Variants in HHAT observed in about 807,000 individuals in gnomAD.
The protein encoded by HHAT is protein-cysteine N-palmitoyltransferase HHAT.
HHAT carries 47 observed loss-of-function variants against 70.8 expected under a neutral mutation model. That is an observed-to-expected ratio of 0.66 (90% CI 0.53 to 0.85). The LOEUF (loss-of-function observed/expected upper bound fraction) is 0.85. HHAT is among the 40% of genes least tolerant of loss of function. The pLI is 0.00. For synonymous variants in HHAT, 228 were observed against 247.6 expected, an observed-to-expected ratio of 0.92 and a Z score of 0.74; for missense variants, 609 against 604.8, an observed-to-expected ratio of 1.01 and a Z score of -0.07.
chr1:210,466,146 C>A (rs552247025), intron 8 of HHAT, among the ~76,000 whole-genome samples: 1 of 149,784 alleles, frequency 6.7e-6, no homozygotes, highest in Non-Finnish European at 1.5e-5. Context: ...TGCAAGGAAT[C>A]GCAAGGAATT....
intron 8 of HHAT, among the ~76,000 whole-genome samples, chr1:210,512,402 C>T (rs545043631): frequency 4.6e-5 from 7 of 151,678 alleles, no homozygotes; most frequent in Non-Finnish European, 7.4e-5. Flanking sequence ...GGGCTGAGTG[C>T]GGTGGCTCAC....
At chr1:210,573,759 G>A (rs554609224) in intron 9 of HHAT, among the ~76,000 whole-genome samples, 151 of 152,240 alleles carry the variant, frequency 9.9e-4, no homozygotes, top group African/African-American at 3.4e-3. Flanking sequence ...GTCTGACTTT[G>A]TAAATATTCC....
chr1:210,473,263 A>G (rs1485727439), intron 8 of HHAT, among the ~76,000 whole-genome samples: 7 of 152,196 alleles, frequency 4.6e-5, no homozygotes, highest in African/African-American at 1.7e-4. Flanking sequence ...TTATTGCCAC[A>G]AAGCGTCTGT....
rs529438737 is a variant in HHAT, at chr1:210,491,946, A to G, written c.1008-21207A>G. On this transcript the variant is annotated intron_variant, in intron 8 of 11. Transcript: ENST00000261458. ...CTTGGCTAATTTTTGTATTTTTAGT[A>G]GAGACAGGATTTTACCATGTTGGCC... is the stretch of plus-strand genomic sequence containing the variant. Among the ~76,000 whole-genome samples the G allele has an allele frequency of 4.6e-5, 7 of 152,246 alleles. No homozygotes were observed. The East Asian group carries it at 1.4e-3, about 29-fold the overall frequency.
intron 7 of HHAT, among the ~76,000 whole-genome samples, chr1:210,423,269 T>A (rs2092959192): frequency 6.6e-6 from 1 of 152,174 alleles, no homozygotes. Context: ...TCATCCTAAC[T>A]CTGGGGTGAG....
rs144259111 is a variant in HHAT at position 210,450,007 on chromosome 1, A to G, written c.857-14498A>G. Among the ~76,000 whole-genome samples, 7 of 152,190 alleles carry G rather than the reference A, an allele frequency of 4.6e-5. No individual in the cohort carries two copies. The East Asian group carries it at 1.4e-3, about 29-fold the overall frequency. ...TACGTATTTGGGATTCAACAGTGAGAATATGGGCTTGGCGTGGTGGCTCAC... is the reference window on the plus strand; with the variant it reads ...TACGTATTTGGGATTCAACAGTGAGGATATGGGCTTGGCGTGGTGGCTCAC... On this transcript the variant is annotated intron_variant, in intron 7 of 11. Transcript: ENST00000261458.
At chr1:210,530,980 G>A (rs1472569236) in intron 9 of HHAT, among the ~76,000 whole-genome samples, 1 of 152,174 alleles carries the variant, frequency 6.6e-6, no homozygotes, top group East Asian at 1.9e-4. Context: ...TACATTCTGA[G>A]AAATGCATTG....
intron 3 of HHAT, among the ~76,000 whole-genome samples, chr1:210,364,463 A>C (rs966580021): frequency 6.6e-6 from 1 of 152,234 alleles, no homozygotes; most frequent in Non-Finnish European, 1.5e-5. Context: ...AGCATTTTAG[A>C]TAATATTGGA....
intron 10 of HHAT, among the ~76,000 whole-genome samples, chr1:210,621,518 G>A (rs976467429): frequency 2.0e-5 from 3 of 152,146 alleles, no homozygotes; most frequent in Non-Finnish European, 2.9e-5. Flanking sequence ...CCTAGTTACT[G>A]CTAGTTGAGT....
At chr1:210,547,280 C>T (rs973648364) in intron 9 of HHAT, among the ~76,000 whole-genome samples, 4 of 152,118 alleles carry the variant, frequency 2.6e-5, no homozygotes, top group Admixed American at 6.6e-5. Flanking sequence ...GAGCTGAGAT[C>T]GTGCCATTGC....
intron 2 of HHAT, among the ~76,000 whole-genome samples, chr1:210,352,284 A>G (rs2087105278): frequency 1.3e-5 from 2 of 152,138 alleles, no homozygotes; most frequent in South Asian, 2.1e-4. Context: ...TTCTCAGGCC[A>G]TTCCCAAGAA....
chr1:210,372,568 T>C lies in HHAT; in HGVS notation c.159+9649T>C, dbSNP rs2089661994. On this transcript the variant is annotated intron_variant, in intron 3 of 11. Transcript: ENST00000261458. ...ACAAAACCATCATTGAACTTGTTCC[T>C]GAAAGCTTGTGAAGCCTCTATTGTC... Among the ~76,000 whole-genome samples, 3 of 152,186 alleles carry C rather than the reference T, an allele frequency of 2.0e-5. No individual in the cohort carries two copies. In the South Asian group the frequency reaches 6.2e-4, roughly 32 times the overall value.
In HHAT at chr1:210,610,438, A is replaced by T. The variant is rs527998989; in HGVS notation, c.1246-13088A>T. ...TAGTAGACCTTTGTCATATGGATAGATTGCAAATATTTACTCACATTCTGT... is the reference window on the plus strand; with the variant it reads ...TAGTAGACCTTTGTCATATGGATAGTTTGCAAATATTTACTCACATTCTGT... On this transcript the variant is annotated intron_variant, in intron 10 of 11. Transcript: ENST00000261458. Among the ~76,000 whole-genome samples the T allele has an allele frequency of 2.0e-5, 3 of 152,264 alleles. No homozygotes were observed. In the East Asian group the frequency reaches 5.8e-4, roughly 29 times the overall value.
intron 9 of HHAT, among the ~76,000 whole-genome samples, chr1:210,540,572 A>G (rs2095420176): frequency 6.7e-6 from 1 of 150,170 alleles, no homozygotes; most frequent in African/African-American, 2.4e-5. Context: ...CATAGTGTGT[A>G]TAAAAATATA....
chr1:210,450,528 GCT>G lies in HHAT; in HGVS notation c.857-13974_857-13973del, dbSNP rs777997619. Among the ~76,000 whole-genome samples, 4 of 150,894 alleles carry G rather than the reference GCT, an allele frequency of 2.7e-5. No homozygotes were observed. In the South Asian group the frequency reaches 8.5e-4, roughly 32 times the overall value. On this transcript the variant is annotated intron_variant, in intron 7 of 11. Coordinates refer to ENST00000261458, the MANE Select transcript of HHAT (RefSeq NM_018194.6). ...AAAATTTTTTTTGAGATGGAGTCTT[GCT>G]CTGTTGCCCAGGCTGTAGTGCAGTG...
intron 11 of HHAT, among the ~76,000 whole-genome samples, chr1:210,668,853 A>G (rs1679481709): frequency 6.6e-6 from 1 of 152,082 alleles, no homozygotes. Context: ...AGCTCACTGC[A>G]ACCTCCTCCT....
intron 7 of HHAT, among the ~76,000 whole-genome samples, chr1:210,426,930 T>C (rs994912893): frequency 1.3e-5 from 2 of 152,170 alleles, no homozygotes; most frequent in Non-Finnish European, 2.9e-5. Flanking sequence ...CTCTTTTTTG[T>C]ACATCTGGTA....
rs1339812702 is a variant in HHAT, at chr1:210,525,200, C to T, written c.1043+12012C>T. On this transcript the variant is annotated intron_variant, in intron 9 of 11. Transcript: ENST00000261458. ...CAGCACCCTTGCGTTGATGCCCATT[C>T]CCCTTGGATGTCAGCCCCTCTTAGG... Among the ~76,000 whole-genome samples, 6 of 152,164 alleles carry T rather than the reference C, an allele frequency of 3.9e-5. No homozygotes were observed. The East Asian group carries it at 7.8e-4, about 20-fold the overall frequency.
At chr1:210,607,471 C>A (rs947193182) in intron 10 of HHAT, among the ~76,000 whole-genome samples, 1 of 152,102 alleles carries the variant, frequency 6.6e-6, no homozygotes, top group African/African-American at 2.4e-5. Context: ...AAAAAGGAGG[C>A]CTTGCTTTAA....
Sources: gnomAD v4.1 joint callset for allele counts (sites outside exome capture counted in the v4.1 genomes callset) on GRCh38, gnomAD v4.1.1 for gene constraint, MANE v1.5 for transcripts, NCBI Gene and HGNC (gene_info 2026-07-23, HGNC 2026-07-21) for gene names.